NEURL1: variants seen among roughly 807,000 people sequenced by gnomAD.
NEURL1 encodes neuralized E3 ubiquitin protein ligase 1.
Under a neutral mutation model 41.2 loss-of-function variants are expected in NEURL1, and 26 were observed. The ratio of observed to expected loss-of-function variants is 0.63; its 90% confidence interval spans 0.46 to 0.87. NEURL1 has a LOEUF of 0.87. Ranked by LOEUF, NEURL1 falls within the 40% of genes least tolerant of loss-of-function variation. The pLI is 0.00. For missense variants in NEURL1, 761 were observed against 871.1 expected, an observed-to-expected ratio of 0.87 and a Z score of 1.59; for synonymous variants, 400 against 402.3, an observed-to-expected ratio of 0.99 and a Z score of 0.07.
intron 1 of NEURL1, among the ~76,000 whole-genome samples, chr10:103,568,848 T>C (rs1190050419): frequency 6.6e-6 from 1 of 152,238 alleles, no homozygotes; most frequent in East Asian, 1.9e-4. Flanking sequence ...GGAGTCTTGC[T>C]CTGTCGCCCA....
At chr10:103,529,878 G>C (rs752096296) in intron 1 of NEURL1, among the ~76,000 whole-genome samples, 2 of 152,164 alleles carry the variant, frequency 1.3e-5, no homozygotes, top group Non-Finnish European at 2.9e-5. Context: ...TTACTGGAAA[G>C]CGGTCACAAT....
intron 1 of NEURL1, among the ~76,000 whole-genome samples, chr10:103,519,908 T>C (rs2034307053): frequency 6.6e-6 from 1 of 151,912 alleles, no homozygotes; most frequent in Admixed American, 6.6e-5. Flanking sequence ...CTTTAGCCTC[T>C]GAGTAGCCGA....
At chr10:103,554,803 C>T (rs1172162671) in intron 1 of NEURL1, among the ~76,000 whole-genome samples, 4 of 152,200 alleles carry the variant, frequency 2.6e-5, no homozygotes, top group Non-Finnish European at 4.4e-5. Flanking sequence ...TTGTGAACCT[C>T]TTGAGGGCAG....
Position 103,585,185 on chromosome 10 carries a change from C to G in NEURL1, c.1299C>G (p.Leu433=), listed in dbSNP as rs774152595. ...ACGCCTCGCAGCCGCTTTGGATGCT[C>G]TTCGGCCTGCACGGGACCATCACGC... ...CVDASQPLWM[L]FGLHGTITQI... The change falls in exon 4 of 6, where the codon CTC becomes CTG. Residue 433 remains leucine, a synonymous_variant. Transcript: ENST00000369780. 6.3e-7 allele frequency: 1 copy of G among 1,581,214 alleles called. No homozygotes were observed. Among genetic ancestry groups the G allele is most frequent in the South Asian group, 1.1e-5 (1 of 87,438 alleles).
intron 1 of NEURL1, among the ~76,000 whole-genome samples, chr10:103,542,540 G>A (rs903137139): frequency 1.3e-5 from 2 of 152,172 alleles, no homozygotes; most frequent in South Asian, 2.1e-4. Context: ...TAGGATTACA[G>A]GTGTGAGCCA....
intron 1 of NEURL1, among the ~76,000 whole-genome samples, chr10:103,517,830 C>T (rs1430768533): frequency 2.0e-5 from 3 of 152,212 alleles, no homozygotes; most frequent in Non-Finnish European, 4.4e-5. Context: ...GGCCACTTCA[C>T]CAACAGGGAA....
At position 103,592,230 on chromosome 10, in the gene NEURL1, G is replaced by C. The variant is rs1444001445; in HGVS notation, c.*1858G>C. On this transcript the variant is annotated 3_prime_UTR_variant, in exon 6 of 6. Transcript: ENST00000369780. This position sits in a 1 kb window ranked among gnomAD's most constrained non-coding sequence, Gnocchi z 4.8. Reference sequence around the variant, plus strand: ...GGGGCAGGCTTTCTGTGTGACTCGGGAGTTCTTCCGTGAGGGCTGCCAGGG... The same window carrying C: ...GGGGCAGGCTTTCTGTGTGACTCGGCAGTTCTTCCGTGAGGGCTGCCAGGG... The C allele has an allele frequency of 6.6e-6, 1 of 152,370 alleles. No individual in the cohort carries two copies. Among genetic ancestry groups the C allele is most frequent in the Non-Finnish European group, 1.5e-5 (1 of 68,114 alleles). The allele number at this position is 152,370 out of a possible 1,614,324, so 9.4% of individuals were successfully genotyped here.
intron 1 of NEURL1, among the ~76,000 whole-genome samples, chr10:103,557,712 C>G (rs1013131582): frequency 9.9e-5 from 15 of 152,244 alleles, no homozygotes; most frequent in Non-Finnish European, 1.9e-4. Flanking sequence ...GTGCCCACAC[C>G]TGTACACACG....
intron 4 of NEURL1, 129 bp downstream of exon 4, chr10:103,585,354 A>T (rs1394925622): frequency 1.2e-6 from 1 of 862,924 alleles, no homozygotes; most frequent in South Asian, 1.9e-5. Flanking sequence ...ACAGACACCT[A>T]AGGTGAGTTC....
Position 103,533,904 on chromosome 10 carries a change from C to G in NEURL1, c.86-36968C>G, listed in dbSNP as rs112342776. Among the ~76,000 whole-genome samples the G allele has an allele frequency of 8.6e-3, 1,309 of 152,152 alleles. 18 individuals carry two copies. The highest frequency in any genetic ancestry group is 0.03 in the African/African-American group (1,259 of 41,518). ...CAGGCTGGTCTTGAACTTCTGACCT[C>G]TGGTGATCCACCCGCCTTGGCCTCC... On this transcript the variant is annotated intron_variant, in intron 1 of 5. Transcript: ENST00000369780.
intron 1 of NEURL1, among the ~76,000 whole-genome samples, chr10:103,563,907 C>T (rs1198769832): frequency 6.6e-6 from 1 of 152,202 alleles, no homozygotes; most frequent in African/African-American, 2.4e-5. Context: ...GCCAGAGTGG[C>T]ATTGGGGGCA....
At chr10:103,525,827 T>A (rs1304547252) in intron 1 of NEURL1, among the ~76,000 whole-genome samples, 1 of 152,180 alleles carries the variant, frequency 6.6e-6, no homozygotes, top group Admixed American at 6.5e-5. Context: ...TTGTTTTGGA[T>A]CTTGGAGAAA....
intron 1 of NEURL1, among the ~76,000 whole-genome samples, chr10:103,561,174 G>A (rs1036935704): frequency 1.2e-4 from 18 of 152,204 alleles, no homozygotes; most frequent in Non-Finnish European, 2.6e-4. Flanking sequence ...GAGCAATTCA[G>A]GAGAGGCAAG....
chr10:103,527,565 G>A (rs2034486590), intron 1 of NEURL1, among the ~76,000 whole-genome samples: 2 of 152,106 alleles, frequency 1.3e-5, no homozygotes, highest in Admixed American at 6.6e-5. Flanking sequence ...AAAGTGCTGG[G>A]ATTACAGGCA....
chr10:103,558,376 GTGT>G lies in NEURL1; in HGVS notation c.86-12494_86-12492del. The G allele has an allele frequency of 1.9e-5, 7 of 363,216 alleles. No homozygotes were observed. The highest frequency in any genetic ancestry group is 1.1e-4 in the South Asian group (1 of 8,984). The allele number at this position is 363,216 out of a possible 1,614,324, so 22.5% of individuals were successfully genotyped here. On this transcript the variant is annotated intron_variant, in intron 1 of 5. Transcript: ENST00000369780. This position sits in a 1 kb window ranked among gnomAD's most constrained non-coding sequence, Gnocchi z 4.2. ...TTCTGATGTCAACAGATGTGTATCT[GTGT>G]TTTAGATCTCTGTGTACCTGTGTGA...
At chr10:103,502,936 A>G (rs1265726084) in intron 1 of NEURL1, among the ~76,000 whole-genome samples, 1 of 152,208 alleles carries the variant, frequency 6.6e-6, no homozygotes, top group Non-Finnish European at 1.5e-5. Flanking sequence ...GGCAGGATGC[A>G]AGTGGTCTCC....
chr10:103,500,214 CATA>C (rs1304405377), intron 1 of NEURL1, among the ~76,000 whole-genome samples: 1 of 152,176 alleles, frequency 6.6e-6, no homozygotes, highest in African/African-American at 2.4e-5. Flanking sequence ...TGTTAATTAT[CATA>C]ATAATATTTA....
intron 1 of NEURL1, among the ~76,000 whole-genome samples, chr10:103,511,559 C>T (rs1182614447): frequency 6.6e-6 from 1 of 152,208 alleles, no homozygotes; most frequent in Non-Finnish European, 1.5e-5. Context: ...TCTCCATGTC[C>T]TAATTCCTTA....
chr10:103,507,463 T>G (rs1383333310), intron 1 of NEURL1, among the ~76,000 whole-genome samples: 1 of 152,054 alleles, frequency 6.6e-6, no homozygotes, highest in Non-Finnish European at 1.5e-5. Flanking sequence ...GCGAGCAGAT[T>G]GACTCGGGAG....
Sources: gnomAD v4.1 joint callset for allele counts (sites outside exome capture counted in the v4.1 genomes callset) on GRCh38, gnomAD v4.1.1 for gene constraint, Gnocchi (gnomAD v3.1) non-coding constraint, MANE v1.5 for transcripts, NCBI Gene and HGNC (gene_info 2026-07-23, HGNC 2026-07-21) for gene names.